The following ADAM12 variants were observed in gnomAD, a reference collection of about 807,000 sequenced individuals.
The protein encoded by ADAM12 is disintegrin and metalloproteinase domain-containing protein 12.
Under a neutral mutation model 106.4 loss-of-function variants are expected in ADAM12, and 70 were observed. The observed-to-expected ratio is 0.66, with a 90% CI of 0.54 to 0.80. The LOEUF is 0.80. Among genes scored for constraint, ADAM12 ranks in the 30% least tolerant of loss-of-function variants. The pLI is 0.00. For missense variants in ADAM12, 1,010 were observed against 1,171.9 expected, an observed-to-expected ratio of 0.86 and a Z score of 2.02; for synonymous variants, 420 against 433.5, an observed-to-expected ratio of 0.97 and a Z score of 0.39.
rs1954059820 is a variant in ADAM12, at chr10:126,036,328, G to T, written c.2350-3C>A. 1 of 1,567,024 alleles carries T rather than the reference G, an allele frequency of 6.4e-7. No homozygotes were observed. Among genetic ancestry groups the T allele is most frequent in the African/African-American group, 1.4e-5 (1 of 71,670 alleles). On this transcript the variant is annotated splice_polypyrimidine_tract_variant and splice_region_variant and intron_variant, in intron 20 of 22. Transcript: ENST00000448723. ...TGCAGCAATCTCCTGGGATTGTCCT[G>T]TACAGTCAAAGTAAAAAGCCATGCT...
chr10:126,123,520 G>A (rs1956148872), intron 5 of ADAM12, among the ~76,000 whole-genome samples: 1 of 152,196 alleles, frequency 6.6e-6, no homozygotes, highest in South Asian at 2.1e-4. Context: ...GCCAAGTTCT[G>A]GGGCAGAGAG....
At chr10:126,369,463 T>C (rs1856035106) in intron 1 of ADAM12, among the ~76,000 whole-genome samples, 1 of 152,138 alleles carries the variant, frequency 6.6e-6, no homozygotes, top group Non-Finnish European at 1.5e-5. Context: ...TGACTGGGGT[T>C]GGGTGGGAAG....
At chr10:126,044,734 T>C (rs10901525) in intron 17 of ADAM12, among the ~76,000 whole-genome samples, 20,101 of 152,272 alleles carry the variant, frequency 0.13, 1,420 homozygotes, top group Middle Eastern at 0.28. Context: ...AGGCCGACTG[T>C]CAAGATAGGC....
intron 1 of ADAM12, among the ~76,000 whole-genome samples, chr10:126,372,919 T>G (rs1005605923): frequency 6.6e-6 from 1 of 152,184 alleles, no homozygotes; most frequent in Non-Finnish European, 1.5e-5. Flanking sequence ...GTACCATCTA[T>G]TGCAGCTGAA....
At chr10:126,219,445 C>T (rs1958049605) in intron 3 of ADAM12, among the ~76,000 whole-genome samples, 1 of 152,100 alleles carries the variant, frequency 6.6e-6, no homozygotes, top group African/African-American at 2.4e-5. Flanking sequence ...CTATGTGCGA[C>T]ACAGACATCA....
At chr10:126,019,574 T>G in intron 22 of ADAM12, 121 bp downstream of exon 22, 3 of 1,285,386 alleles carry the variant, frequency 2.3e-6, no homozygotes, top group Admixed American at 2.3e-5. Flanking sequence ...GTATTCCCAG[T>G]TGTAGGGGGA....
At position 126,013,609 on chromosome 10, in the gene ADAM12, A is replaced by C. The variant is rs1332420294; in HGVS notation, c.*3670T>G. The C allele has an allele frequency of 2.0e-5, 3 of 152,254 alleles. No individual in the cohort carries two copies. Among genetic ancestry groups the C allele is most frequent in the African/African-American group, 7.2e-5 (3 of 41,438 alleles). The allele number at this position is 152,254 out of a possible 1,614,324, so 9.4% of individuals were successfully genotyped here. ...AGCAGTCACCACTTTGGCTGATCTA[A>C]AGTAGCAATGGAAGTAGTGATTTGA... On this transcript the variant is annotated 3_prime_UTR_variant, in exon 23 of 23. Transcript: ENST00000448723. This position sits in a 1 kb window ranked among gnomAD's most constrained non-coding sequence, Gnocchi z 4.3.
chr10:126,370,810 A>G (rs1025148068), intron 1 of ADAM12, among the ~76,000 whole-genome samples: 3 of 152,140 alleles, frequency 2.0e-5, no homozygotes, highest in Non-Finnish European at 2.9e-5. Flanking sequence ...GCCTAGTTCA[A>G]TCCTGGCTCA....
At chr10:126,174,235 T>A (rs898318) in intron 3 of ADAM12, among the ~76,000 whole-genome samples, 9,523 of 151,498 alleles carry the variant, frequency 0.063, 437 homozygotes, top group African/African-American at 0.12. Flanking sequence ...ACACACAGAG[T>A]GTTTTTGCTA....
chr10:126,061,115 G>A (rs775547109), intron 14 of ADAM12, among the ~76,000 whole-genome samples: 10 of 152,120 alleles, frequency 6.6e-5, no homozygotes, highest in Non-Finnish European at 1.3e-4. Context: ...CTCCTAGTTG[G>A]CTGCTTTCCT....
chr10:126,149,084 A>T (rs1449017850), intron 4 of ADAM12, among the ~76,000 whole-genome samples: 1 of 152,150 alleles, frequency 6.6e-6, no homozygotes, highest in Non-Finnish European at 1.5e-5. Flanking sequence ...TTCCATGGGG[A>T]GGACCGGGGG....
At chr10:126,206,142 C>T (rs1957790601) in intron 3 of ADAM12, among the ~76,000 whole-genome samples, 1 of 152,178 alleles carries the variant, frequency 6.6e-6, no homozygotes, top group South Asian at 2.1e-4. Flanking sequence ...ACAAAACCCT[C>T]TGATGTTGTT....
chr10:126,340,088 C>T (rs756160585), intron 1 of ADAM12, among the ~76,000 whole-genome samples: 5 of 152,060 alleles, frequency 3.3e-5, no homozygotes, highest in Non-Finnish European at 7.4e-5. Flanking sequence ...CTCTTGACCT[C>T]GTGATCCACC....
At chr10:126,339,979 G>A (rs751813872) in intron 1 of ADAM12, among the ~76,000 whole-genome samples, 3 of 150,252 alleles carry the variant, frequency 2.0e-5, no homozygotes, top group Non-Finnish European at 4.4e-5. Context: ...TTCAGCCTCC[G>A]GAGTAGCTGG....
chr10:126,173,805 G>T (rs77671316), intron 3 of ADAM12, among the ~76,000 whole-genome samples: 1 of 151,862 alleles, frequency 6.6e-6, no homozygotes, highest in Admixed American at 6.6e-5. Flanking sequence ...TCTCAGGCCG[G>T]TCTGGGACCT....
intron 3 of ADAM12, among the ~76,000 whole-genome samples, chr10:126,251,684 A>AGGATGGATGGGAT (rs1958764244): frequency 7.2e-6 from 1 of 137,992 alleles, no homozygotes; most frequent in Non-Finnish European, 1.5e-5. Context: ...TGGGATGGAG[A>AGGATGGATGGGAT]GGATGGATGG....
chr10:126,093,268 A>C (rs966303794), intron 11 of ADAM12, among the ~76,000 whole-genome samples: 1 of 152,244 alleles, frequency 6.6e-6, no homozygotes, highest in African/African-American at 2.4e-5. Flanking sequence ...ATAAGAACAC[A>C]TCTGAATCTC....
chr10:126,320,133 GTT>G, intron 2 of ADAM12, among the ~76,000 whole-genome samples: 1 of 152,318 alleles, frequency 6.6e-6, no homozygotes, highest in East Asian at 1.9e-4. Flanking sequence ...TAGTGTTCAA[GTT>G]CTCTTGTTAG....
intron 18 of ADAM12, among the ~76,000 whole-genome samples, chr10:126,040,404 C>T (rs1954139555): frequency 1.3e-5 from 2 of 152,302 alleles, no homozygotes; most frequent in East Asian, 1.9e-4. Context: ...TCTCCTCGGC[C>T]CTGCCTCCCA....
Sources: allele counts gnomAD v4.1 joint callset (sites outside exome capture counted in the v4.1 genomes callset), GRCh38; gene constraint gnomAD v4.1.1; non-coding constraint Gnocchi (gnomAD v3.1); transcripts MANE v1.5; gene names NCBI Gene and HGNC (gene_info 2026-07-23, HGNC 2026-07-21).